PXDC1: variants seen among roughly 807,000 people sequenced by gnomAD.
PXDC1 encodes PX domain-containing protein 1.
PXDC1 carries 13 observed loss-of-function variants against 24.4 expected under a neutral mutation model. The ratio of observed to expected loss-of-function variants is 0.53; its 90% CI spans 0.35 to 0.85. The LOEUF is 0.85. Among genes scored for constraint, PXDC1 ranks in the 40% least tolerant of loss-of-function variants. PXDC1 has a pLI of 0.01. For synonymous variants in PXDC1, 162 were observed against 124.9 expected (o/e 1.30, Z -1.98); for missense variants, 344 against 309.3 (o/e 1.11, Z -0.84).
intron 1 of PXDC1, among the ~76,000 whole-genome samples, chr6:3,739,315 C>G (rs920662971): frequency 6.6e-6 from 1 of 152,224 alleles, no homozygotes; most frequent in African/African-American, 2.4e-5. Flanking sequence ...ATCCCCATAA[C>G]GGGGGTCAGT....
chr6:3,748,922 T>C (rs1008408827), intron 1 of PXDC1, among the ~76,000 whole-genome samples: 1 of 152,262 alleles, frequency 6.6e-6, no homozygotes, highest in Non-Finnish European at 1.5e-5. Flanking sequence ...TTTGTGTTTA[T>C]AGTTTGTATA....
At chr6:3,726,571 C>G (rs753458547) in intron 4 of PXDC1, among the ~76,000 whole-genome samples, 2 of 152,234 alleles carry the variant, frequency 1.3e-5, no homozygotes, top group African/African-American at 2.4e-5. Flanking sequence ...AGTCATGGAG[C>G]AGGGATTCAG....
chr6:3,736,079 T>C (rs1461238795), intron 3 of PXDC1, among the ~76,000 whole-genome samples: 2 of 152,168 alleles, frequency 1.3e-5, no homozygotes, highest in East Asian at 1.9e-4. Flanking sequence ...CCACTTGTGC[T>C]GTGGCCCATA....
chr6:3,743,522 C>T (rs1202899422), intron 1 of PXDC1, among the ~76,000 whole-genome samples: 1 of 152,134 alleles, frequency 6.6e-6, no homozygotes, highest in Non-Finnish European at 1.5e-5. Flanking sequence ...TAATACACAT[C>T]TTGGAAACTA....
Position 3,751,361 on chromosome 6 carries a change from C to T in PXDC1, c.171G>A (p.Leu57=). 1.9e-6 allele frequency: 3 copies of T among 1,560,080 alleles called. No homozygotes were observed. Among genetic ancestry groups the T allele is most frequent in the Non-Finnish European group, 2.6e-6 (3 of 1,154,666 alleles). ...DRSVLYLHRS[L]ADLGRLWQRL... ...GCTGCCACAGGCGGCCCAGGTCCGCCAGGCTGCGGTGCAGGTAGAGCACGC... is the reference window on the plus strand; with the variant it reads ...GCTGCCACAGGCGGCCCAGGTCCGCTAGGCTGCGGTGCAGGTAGAGCACGC... Residue 57 remains leucine (L), a synonymous_variant, in exon 1 of 5, where the codon CTG becomes CTA. Transcript: ENST00000380283.
At chr6:3,750,746 G>C (rs1052194404) in intron 1 of PXDC1, among the ~76,000 whole-genome samples, 4 of 152,170 alleles carry the variant, frequency 2.6e-5, no homozygotes, top group African/African-American at 9.7e-5. Context: ...GCTCCGAGGA[G>C]GGACGGAAGG....
Position 3,724,170 on chromosome 6 carries a change from G to C in PXDC1, c.579-434C>G, listed in dbSNP as rs939528316. Among the ~76,000 whole-genome samples the C allele has an allele frequency of 3.3e-5, 5 of 152,134 alleles. No homozygotes were observed. Among genetic ancestry groups the C allele is most frequent in the Admixed American group, 6.5e-5 (1 of 15,282 alleles). The stretch of plus-strand genomic sequence containing the variant: ...CCTGACCGCAGCAGAGATGACACAC[G>C]GACGCACAGGAGGCTGCGAGGGAAC... On this transcript the variant is annotated intron_variant, in intron 4 of 4. Transcript: ENST00000380283. This position sits in a 1 kb window ranked among gnomAD's most constrained non-coding sequence, Gnocchi z 4.5.
chr6:3,751,705 G>A lies in PXDC1; in HGVS notation c.-174C>T. ...GCGTTCGGGGCAGCGGGGCGGCGCG[G>A]CGGCGAGTGGCTCGGGCCGGCCGGG... On this transcript the variant is annotated 5_prime_UTR_variant, in exon 1 of 5. Transcript: ENST00000380283. 1 of 960,408 alleles carries A rather than the reference G, an allele frequency of 1.0e-6. No homozygotes were observed. Among genetic ancestry groups the A allele is most frequent in the Non-Finnish European group, 1.3e-6 (1 of 751,846 alleles). The allele number at this position is 960,408 out of a possible 1,614,324, so 59.5% of individuals were successfully genotyped here.
chr6:3,742,339 C>G (rs1760466081), intron 1 of PXDC1, among the ~76,000 whole-genome samples: 1 of 152,174 alleles, frequency 6.6e-6, no homozygotes, highest in African/African-American at 2.4e-5. Context: ...GTTTTCAAAA[C>G]TGCACTTAAA....
intron 1 of PXDC1, among the ~76,000 whole-genome samples, chr6:3,741,399 C>T (rs1760446224): frequency 6.6e-6 from 1 of 152,154 alleles, no homozygotes; most frequent in Non-Finnish European, 1.5e-5. Flanking sequence ...TGCCTGGAAG[C>T]ACAGAAATGA....
Position 3,751,382 on chromosome 6 carries a change from C to G in PXDC1, c.150G>C (p.Val50=). 6.4e-7 allele frequency: 1 copy of G among 1,566,192 alleles called. No homozygotes were observed. Among genetic ancestry groups the G allele is most frequent in the African/African-American group, 1.4e-5 (1 of 73,738 alleles). ...EIRTEWSDRS[V]LYLHRSLADL... ...CCGCCAGGCTGCGGTGCAGGTAGAGCACGCTGCGGTCCGACCACTCCGTGC... is the reference window on the plus strand; with the variant it reads ...CCGCCAGGCTGCGGTGCAGGTAGAGGACGCTGCGGTCCGACCACTCCGTGC... Residue 50 remains valine (V), a synonymous_variant, in exon 1 of 5, where the codon GTG becomes GTC. Coordinates refer to ENST00000380283, the MANE Select transcript of PXDC1 (RefSeq NM_183373.4).
intron 1 of PXDC1, among the ~76,000 whole-genome samples, chr6:3,748,196 G>A (rs1395531806): frequency 6.6e-6 from 1 of 152,158 alleles, no homozygotes; most frequent in Non-Finnish European, 1.5e-5. Context: ...AAAGACTTGG[G>A]CCCACTGGTG....
chr6:3,726,833 A>G (rs1431607581), intron 4 of PXDC1, among the ~76,000 whole-genome samples: 1 of 152,250 alleles, frequency 6.6e-6, no homozygotes, highest in African/African-American at 2.4e-5. Flanking sequence ...TACACTCACC[A>G]TCTGTGGTCT....
At position 3,751,434 on chromosome 6, in the gene PXDC1, C is replaced by A. The variant is rs983164815; in HGVS notation, c.98G>T (p.Gly33Val). 2.5e-6 allele frequency: 4 copies of A among 1,590,776 alleles called. No homozygotes were observed. The African/African-American group carries it at 5.4e-5, about 21-fold the overall frequency. Residue 33 changes from glycine (G) to valine (V), a missense_variant, in exon 1 of 5, where the codon GGC becomes GTC. Gly to Val is a moderately radical substitution (Grantham distance 109). Transcript: ENST00000380283. Reference protein sequence around the residue: ...GIRRLIVSRRGDEEEFFEIRT... With the variant: ...GIRRLIVSRRVDEEEFFEIRT... ...GATCTCGAAGAACTCCTCTTCGTCG[C>A]CGCGCCGGCTGACGATGAGCCTGCG...
intron 1 of PXDC1, chr6:3,739,150 CGTTGAATAGGTCTATAAGAGA>C (rs2127600688): frequency 8.6e-7 from 1 of 1,162,542 alleles, no homozygotes; most frequent in East Asian, 5.9e-5. Flanking sequence ...TCAAGCAATT[CGTTGAATAGGTCTATAAGAGA>C]GATAAAAAAA....
intron 3 of PXDC1, among the ~76,000 whole-genome samples, chr6:3,735,532 C>A (rs1760297551): frequency 6.6e-6 from 1 of 152,174 alleles, no homozygotes; most frequent in Admixed American, 6.6e-5. Context: ...GTCACAAGAT[C>A]TCACCCATAT....
At chr6:3,747,353 G>A (rs1365285113) in intron 1 of PXDC1, among the ~76,000 whole-genome samples, 5 of 151,916 alleles carry the variant, frequency 3.3e-5, no homozygotes, top group African/African-American at 9.7e-5. Flanking sequence ...CTGCCTCCAC[G>A]CCTCCCCTGC....
rs529208388 is a variant in PXDC1 at position 3,737,663 on chromosome 6, G to A, written c.348+394C>T. 2.0e-6 allele frequency: 2 copies of A among 985,412 alleles called. No individual in the cohort carries two copies. Among genetic ancestry groups the A allele is most frequent in the African/African-American group, 3.5e-5 (2 of 57,368 alleles). The allele number at this position is 985,412 out of a possible 1,614,324, so 61.0% of individuals were successfully genotyped here. ...AAATCCGGGCAACGTGCCCCGCTGTGCTGACGCCAACGTTCTTCTTGGTTT... is the reference window on the plus strand; with the variant it reads ...AAATCCGGGCAACGTGCCCCGCTGTACTGACGCCAACGTTCTTCTTGGTTT... On this transcript the variant is annotated intron_variant, in intron 2 of 4. Transcript: ENST00000380283. The surrounding 1 kb of genome is among the most constrained non-coding windows in gnomAD (Gnocchi z 5.5).
rs116012693 is a variant in PXDC1, at chr6:3,747,100, T to C, written c.256+4176A>G. On this transcript the variant is annotated intron_variant, in intron 1 of 4. Transcript: ENST00000380283. ...GCCTTACTAAGAGAAAACGCTAAAA[T>C]GCCGCCTCCCAAGCTGCCCTCCTGA... is the stretch of plus-strand genomic sequence containing the variant. Among the ~76,000 whole-genome samples the C allele has an allele frequency of 7.7e-3, 1,173 of 152,124 alleles. 14 individuals carry two copies. The highest frequency in any genetic ancestry group is 0.027 in the African/African-American group (1,101 of 41,444).
Sources: allele counts gnomAD v4.1 joint callset (sites outside exome capture counted in the v4.1 genomes callset), GRCh38; gene constraint gnomAD v4.1.1; non-coding constraint Gnocchi (gnomAD v3.1); transcripts MANE v1.5; gene names NCBI Gene and HGNC (gene_info 2026-07-23, HGNC 2026-07-21).